The following IL12B variants were observed in gnomAD, a reference collection of about 807,000 sequenced individuals.
IL12B encodes the protein interleukin 12B.
Under a neutral mutation model 39.2 loss-of-function variants are expected in IL12B, and 27 were observed. That is an observed-to-expected ratio of 0.69 (90% CI 0.51 to 0.95). The LOEUF (loss-of-function observed/expected upper bound fraction) is 0.95. IL12B is among the 40% of genes least tolerant of loss of function. IL12B has a pLI of 0.00. For missense variants in IL12B, 351 were observed against 397.6 expected, an observed-to-expected ratio of 0.88 and a Z score of 1.00; for synonymous variants, 142 against 152.1, an observed-to-expected ratio of 0.93 and a Z score of 0.49.
intron 6 of IL12B, among the ~76,000 whole-genome samples, chr5:159,317,566 A>G (rs1315262986): frequency 6.6e-6 from 1 of 152,162 alleles, no homozygotes; most frequent in Non-Finnish European, 1.5e-5. Flanking sequence ...TTGTCCAGTG[A>G]TTTTAAAAGT....
intron 1 of IL12B, among the ~76,000 whole-genome samples, chr5:159,327,736 A>C (rs1435612902): frequency 1.3e-5 from 2 of 152,228 alleles, no homozygotes; most frequent in African/African-American, 2.4e-5. Context: ...AGAACCCCTG[A>C]AAATCAAAGT....
At position 159,320,402 on chromosome 5, in the gene IL12B, C is replaced by T; in HGVS notation, c.601G>A (p.Ala201Thr). The change falls in exon 5 of 8, where the codon GCT becomes ACT. Residue 201 changes from alanine (A) to threonine (T), a missense_variant. Transcript: ENST00000231228. Reference sequence around the variant, plus strand: ...TCAATGGGCAGACTCTCCTCAGCAGCTGGGCAGGCACTGTCCTCCTGGCAC... The same window carrying T: ...TCAATGGGCAGACTCTCCTCAGCAGTTGGGCAGGCACTGTCCTCCTGGCAC... ...VECQEDSACPAAEESLPIEVM... is the reference protein window; with the variant it reads ...VECQEDSACPTAEESLPIEVM... 6.2e-7 allele frequency: 1 copy of T among 1,614,182 alleles called. No homozygotes were observed. The highest frequency in any genetic ancestry group is 8.5e-7 in the Non-Finnish European group (1 of 1,180,012).
intron 2 of IL12B, among the ~76,000 whole-genome samples, chr5:159,323,761 C>T (rs3213094): frequency 0.27 from 40,312 of 151,866 alleles, 5,924 homozygotes; most frequent in East Asian, 0.47. Context: ...TCGAGAACAA[C>T]GAACCAAGAC....
chr5:159,320,362 G>A lies in IL12B; in HGVS notation c.641C>T (p.Ala214Val), dbSNP rs771282654. Residue 214 changes from alanine (A) to valine (V), a missense_variant, in exon 5 of 8, where the codon GCC (alanine) becomes GTC (valine). Physicochemically the swap from Ala to Val is moderately conservative, Grantham distance 64. Coordinates refer to ENST00000231228, the MANE Select transcript of IL12B (RefSeq NM_002187.3). ...GTTTTCATACTTGAGCTTGTGAACG[G>A]CATCCACCATGACCTCAATGGGCAG... ...ESLPIEVMVD[A>V]VHKLKYENYT... The A allele has an allele frequency of 1.9e-6, 3 of 1,614,084 alleles. No homozygotes were observed. Among genetic ancestry groups the A allele is most frequent in the Non-Finnish European group, 2.5e-6 (3 of 1,180,010 alleles).
At chr5:159,319,902 CT>C (rs1185017038) in intron 5 of IL12B, among the ~76,000 whole-genome samples, 1 of 152,176 alleles carries the variant, frequency 6.6e-6, no homozygotes, top group African/African-American at 2.4e-5. Flanking sequence ...AAAGAAGTCC[CT>C]TTTCAAATGC....
chr5:159,329,643 CATACA>C (rs1754244735), intron 1 of IL12B, among the ~76,000 whole-genome samples: 1 of 152,014 alleles, frequency 6.6e-6, no homozygotes, highest in Admixed American at 6.6e-5. Flanking sequence ...GTACGGAAAT[CATACA>C]ATTTCAGATT....
At chr5:159,324,756 A>G (rs984048890) in intron 2 of IL12B, among the ~76,000 whole-genome samples, 5 of 152,250 alleles carry the variant, frequency 3.3e-5, no homozygotes, top group African/African-American at 1.2e-4. Context: ...TGGATTATAT[A>G]AGCTCATACA....
intron 1 of IL12B, among the ~76,000 whole-genome samples, chr5:159,330,160 T>G (rs896339980): frequency 6.6e-6 from 1 of 152,162 alleles, no homozygotes; most frequent in Admixed American, 6.5e-5. Flanking sequence ...CACTTCAAAA[T>G]AAGATAAAAC....
chr5:159,326,862 CAAT>C, intron 1 of IL12B, 80 bp from the exon 2 acceptor site: 1 of 902,694 alleles, frequency 1.1e-6, no homozygotes, highest in Non-Finnish European at 1.9e-6. Flanking sequence ...GAAAGAATGT[CAAT>C]AATTCTTGTT....
intron 2 of IL12B, among the ~76,000 whole-genome samples, chr5:159,324,200 G>T (rs1004461118): frequency 6.6e-6 from 1 of 152,054 alleles, no homozygotes; most frequent in African/African-American, 2.4e-5. Context: ...TGAGGCCAAC[G>T]ATCTAAGCAT....
chr5:159,329,446 T>A (rs1754242262), intron 1 of IL12B, among the ~76,000 whole-genome samples: 4 of 152,162 alleles, frequency 2.6e-5, no homozygotes, highest in Admixed American at 2.0e-4. Flanking sequence ...CAGGACCCAC[T>A]ATTTGCTCCC....
chr5:159,321,364 T>C (rs1427484095), intron 4 of IL12B, among the ~76,000 whole-genome samples: 1 of 147,282 alleles, frequency 6.8e-6, no homozygotes, highest in African/African-American at 2.5e-5. Context: ...TATATATATA[T>C]ATACACACAC....
intron 1 of IL12B, among the ~76,000 whole-genome samples, chr5:159,329,666 A>T (rs1389301165): frequency 1.3e-5 from 2 of 151,614 alleles, no homozygotes; most frequent in Non-Finnish European, 2.9e-5. Flanking sequence ...ATTCCAGTAA[A>T]CTAAACTCTA....
chr5:159,318,868 C>T lies in IL12B; in HGVS notation c.723G>A (p.Leu241=). Residue 241 remains leucine, a synonymous_variant, in exon 6 of 8, where the codon TTG becomes TTA. Coordinates refer to ENST00000231228, the MANE Select transcript of IL12B (RefSeq NM_002187.3). ...DIIKPDPPKN[L]QLKPLKNSRQ... ...GAGAATTCTTTAATGGCTTCAGCTG[C>T]AAGTTCTTGGGTGGGTCAGGTTTGA... The T allele has an allele frequency of 6.2e-7, 1 of 1,614,070 alleles. No homozygotes were observed. Among genetic ancestry groups the T allele is most frequent in the Non-Finnish European group, 8.5e-7 (1 of 1,180,014 alleles).
chr5:159,322,092 C>T (rs1406254543), intron 4 of IL12B, among the ~76,000 whole-genome samples: 1 of 152,152 alleles, frequency 6.6e-6, no homozygotes, highest in African/African-American at 2.4e-5. Flanking sequence ...TTATCCCTTT[C>T]TTTGGTGCTA....
chr5:159,325,139 A>G (rs1336789968), intron 2 of IL12B, among the ~76,000 whole-genome samples: 2 of 152,202 alleles, frequency 1.3e-5, no homozygotes, highest in Non-Finnish European at 2.9e-5. Context: ...GCCTCACTGC[A>G]TCGTCTGCCC....
At chr5:159,318,624 T>C in intron 6 of IL12B, 112 bp downstream of exon 6, 1 of 990,504 alleles carries the variant, frequency 1.0e-6, no homozygotes, top group Non-Finnish European at 1.6e-6. Context: ...TGTATCCCTG[T>C]TGTTAAGTGA....
At position 159,315,686 on chromosome 5, in the gene IL12B, C is replaced by CA. The variant is rs1312393958; in HGVS notation, c.*414dup. On this transcript the variant is annotated 3_prime_UTR_variant, in exon 8 of 8. Transcript: ENST00000231228. The stretch of plus-strand genomic sequence containing the variant: ...GATTGTCATAAAACTGATGTACTTG[C>CA]AGCCTTGCTTGAAAAGTTGTCAGTA... 2.0e-5 allele frequency: 3 copies of CA among 152,740 alleles called. No individual in the cohort carries two copies. The highest frequency in any genetic ancestry group is 7.2e-5 in the African/African-American group (3 of 41,428). The allele number at this position is 152,740 out of a possible 1,614,324, so 9.5% of individuals were successfully genotyped here.
At chr5:159,316,429 C>A (rs955460181) in intron 7 of IL12B, among the ~76,000 whole-genome samples, 6 of 152,254 alleles carry the variant, frequency 3.9e-5, no homozygotes, top group Admixed American at 3.9e-4. Flanking sequence ...TCTCTCTTTT[C>A]TTTGCCTTTC....
Sources: gnomAD v4.1 joint callset for allele counts (sites outside exome capture counted in the v4.1 genomes callset) on GRCh38, gnomAD v4.1.1 for gene constraint, MANE v1.5 for transcripts, NCBI Gene and HGNC (gene_info 2026-07-23, HGNC 2026-07-21) for gene names.